Variants in HDAC9 observed in about 807,000 individuals in gnomAD.
The protein encoded by HDAC9 is histone deacetylase 9.
In HDAC9, 41 loss-of-function variants were observed where a neutral mutation model predicts 139.4. The observed-to-expected ratio is 0.29, with a 90% confidence interval of 0.23 to 0.38. HDAC9 has a LOEUF of 0.38. Among genes scored for constraint, HDAC9 ranks in the 10% least tolerant of loss-of-function variants. The pLI, the probability that HDAC9 is intolerant of heterozygous loss-of-function variation, is 1.00. For synonymous variants in HDAC9, 517 were observed against 476.2 expected (o/e 1.09, Z -1.12); for missense variants, 1,147 against 1,297.0 (o/e 0.88, Z 1.78).
At chr7:18,619,516 G>A (rs1375153366) in intron 6 of HDAC9, among the ~76,000 whole-genome samples, 1 of 152,190 alleles carries the variant, frequency 6.6e-6, no homozygotes, top group African/African-American at 2.4e-5. Flanking sequence ...AGGTTAGGAA[G>A]TGGTAGTGGC....
intron 1 of HDAC9, among the ~76,000 whole-genome samples, chr7:18,451,647 T>C (rs13308469): frequency 2.0e-5 from 3 of 152,002 alleles, no homozygotes; most frequent in Non-Finnish European, 4.4e-5. Flanking sequence ...ATCCACTGAT[T>C]TATGTGGATA....
At chr7:18,270,391 G>T (rs1796280998) in intron 2 of HDAC9, among the ~76,000 whole-genome samples, 1 of 151,476 alleles carries the variant, frequency 6.6e-6, no homozygotes, top group Non-Finnish European at 1.5e-5. Flanking sequence ...AACAGGCATA[G>T]AATAAAAAAG....
chr7:18,782,916 C>G (rs1018861533), intron 16 of HDAC9, among the ~76,000 whole-genome samples: 1 of 152,054 alleles, frequency 6.6e-6, no homozygotes, highest in East Asian at 1.9e-4. Context: ...TACGAGGTCT[C>G]TAACGCTAAG....
At chr7:18,510,606 A>G (rs1013718222) in intron 2 of HDAC9, among the ~76,000 whole-genome samples, 1 of 152,186 alleles carries the variant, frequency 6.6e-6, no homozygotes, top group Non-Finnish European at 1.5e-5. Flanking sequence ...ATTTATTCTG[A>G]CATTATTTAA....
In HDAC9 at chr7:18,793,384, G is replaced by T. The variant is rs779864864; in HGVS notation, c.2254G>T (p.Gly752Cys). ...CATTTGGAATGAGCTACACTCGTCC[G>T]GTGCTGCACGCATGGCTGTTGGCTG... ...DTIWNELHSS[G>C]AARMAVGCVI... Residue 752 changes from glycine to cysteine, a missense_variant, in exon 17 of 26, where the codon GGT becomes TGT. Gly to Cys is a radical substitution (Grantham distance 159). Coordinates refer to ENST00000686413, the MANE Select transcript of HDAC9 (RefSeq NM_178425.4). 2 of 1,584,952 alleles carry T rather than the reference G, an allele frequency of 1.3e-6. No individual in the cohort carries two copies. The highest frequency in any genetic ancestry group is 1.3e-5 in the African/African-American group (1 of 74,302).
intron 17 of HDAC9, among the ~76,000 whole-genome samples, chr7:18,816,250 A>G (rs991360114): frequency 1.3e-5 from 2 of 152,218 alleles, no homozygotes; most frequent in African/African-American, 2.4e-5. Context: ...TTCTAAGTAA[A>G]GCTTAATTCC....
intron 12 of HDAC9, among the ~76,000 whole-genome samples, chr7:18,701,308 G>A (rs182802574): frequency 8.0e-5 from 12 of 150,116 alleles, no homozygotes; most frequent in Non-Finnish European, 1.6e-4. Context: ...ATAAATGCAT[G>A]TTTTACAAAC....
chr7:18,574,160 G>A (rs931829262), intron 2 of HDAC9, among the ~76,000 whole-genome samples: 1 of 152,238 alleles, frequency 6.6e-6, no homozygotes, highest in African/African-American at 2.4e-5. Flanking sequence ...CCAGCTCTCA[G>A]TGGAGAGGAG....
At chr7:18,494,850 T>C (rs1487064587), upstream of HDAC9, among the ~76,000 whole-genome samples, 1 of 152,112 alleles carries the variant, frequency 6.6e-6, no homozygotes, top group African/African-American at 2.4e-5. Context: ...TCTGTATCCA[T>C]AAGAAATCAG....
At chr7:18,441,581 C>A (rs1306303840) in intron 1 of HDAC9, among the ~76,000 whole-genome samples, 2 of 152,114 alleles carry the variant, frequency 1.3e-5, no homozygotes, top group East Asian at 1.9e-4. Flanking sequence ...ATATAGATTG[C>A]AAATTGTGTT....
chr7:18,683,720 G>T (rs1280324666), intron 12 of HDAC9, among the ~76,000 whole-genome samples: 3 of 152,100 alleles, frequency 2.0e-5, no homozygotes, highest in Non-Finnish European at 4.4e-5. Flanking sequence ...AAAATGGAAA[G>T]ATAGTGCTGG....
intron 1 of HDAC9, among the ~76,000 whole-genome samples, chr7:18,115,543 T>A (rs776991547): frequency 2.0e-5 from 3 of 152,212 alleles, no homozygotes; most frequent in Non-Finnish European, 4.4e-5. Context: ...AGTATTGGGT[T>A]AAGTCATTTA....
chr7:18,367,705 G>C (rs1312680658), intron 1 of HDAC9, among the ~76,000 whole-genome samples: 3 of 152,058 alleles, frequency 2.0e-5, no homozygotes, highest in Non-Finnish European at 4.4e-5. Flanking sequence ...AAGTGGAATT[G>C]CTGAGCTAAG....
chr7:18,710,564 A>G (rs879500974), intron 12 of HDAC9, among the ~76,000 whole-genome samples: 4 of 152,222 alleles, frequency 2.6e-5, no homozygotes, highest in Admixed American at 1.3e-4. Context: ...TTTCACGCAT[A>G]ATCAAAGCCC....
At chr7:18,162,205 C>T in intron 1 of HDAC9, 3 of 834,208 alleles carry the variant, frequency 3.6e-6, no homozygotes, top group Non-Finnish European at 5.8e-6. Flanking sequence ...GTATCTTAAA[C>T]ACTGCATTTT....
chr7:18,309,139 C>T (rs1272767483), intron 1 of HDAC9, among the ~76,000 whole-genome samples: 1 of 152,110 alleles, frequency 6.6e-6, no homozygotes, highest in East Asian at 1.9e-4. Context: ...TGAGCTTGTT[C>T]TATGGCGTTT....
intron 12 of HDAC9, among the ~76,000 whole-genome samples, chr7:18,717,557 A>C (rs1194333780): frequency 2.7e-5 from 4 of 150,128 alleles, no homozygotes; most frequent in African/African-American, 9.9e-5. Context: ...TCAGCTTCCC[A>C]AGTAGCCGGG....
intron 23 of HDAC9, among the ~76,000 whole-genome samples, chr7:18,947,579 C>G (rs1782493453): frequency 6.6e-6 from 1 of 152,024 alleles, no homozygotes; most frequent in South Asian, 2.1e-4. Flanking sequence ...GTGAGTGGTT[C>G]TTTAATTACT....
chr7:18,736,710 C>G (rs959708972), intron 13 of HDAC9, among the ~76,000 whole-genome samples: 2 of 152,114 alleles, frequency 1.3e-5, no homozygotes, highest in African/African-American at 4.8e-5. Context: ...TTTGTTGTGT[C>G]TCTGCCAGGC....
Sources: gnomAD v4.1 joint callset for allele counts (sites outside exome capture counted in the v4.1 genomes callset) on GRCh38, gnomAD v4.1.1 for gene constraint, MANE v1.5 for transcripts, NCBI Gene and HGNC (gene_info 2026-07-23, HGNC 2026-07-21) for gene names.